Variants in SYTL5 observed in about 807,000 individuals in gnomAD.
The protein encoded by SYTL5 is synaptotagmin-like protein 5.
Under a neutral mutation model 55.9 loss-of-function variants are expected in SYTL5, and 34 were observed. The ratio of observed to expected loss-of-function variants is 0.61; its 90% CI spans 0.46 to 0.81. SYTL5 has a LOEUF of 0.81. Ranked by LOEUF, SYTL5 falls within the 30% of genes least tolerant of loss-of-function variation. The pLI, the probability that SYTL5 is intolerant of heterozygous loss-of-function variation, is 0.00. For synonymous variants in SYTL5, 221 were observed against 188.7 expected (o/e 1.17, Z -1.40); for missense variants, 637 against 546.7 (o/e 1.17, Z -1.65).
intron 1 of SYTL5, among the ~76,000 whole-genome samples, chrX:38,029,747 T>A (rs1195130825): frequency 3.4e-5 from 3 of 89,372 alleles, no homozygotes; most frequent in African/African-American, 2.4e-4. Flanking sequence ...TTTCCAAAGA[T>A]TACTTAAGTC....
chrX:38,110,091 A>G (rs1432776991), intron 12 of SYTL5, among the ~76,000 whole-genome samples: 1 of 112,084 alleles, frequency 8.9e-6, no homozygotes, highest in Non-Finnish European at 1.9e-5. Context: ...TCTCTACCTC[A>G]GATAATTTGT....
Position 38,021,331 on chromosome X carries a change from T to C in SYTL5, c.-356-12203T>C, listed in dbSNP as rs147631393. On this transcript the variant is annotated intron_variant, in intron 1 of 16. Transcript: ENST00000297875. ...TGTCAGGCCCTGTGGTGAGGGGCTA[T>C]ATTCCAATTTTCATTTTAGGCATCA... Among the ~76,000 whole-genome samples the C allele has an allele frequency of 9.5e-3, 1,059 of 111,915 alleles. 7 individuals carry two copies. Among genetic ancestry groups the C allele is most frequent in the Middle Eastern group, 0.041 (9 of 217 alleles).
the SYTL5 span, among the ~76,000 whole-genome samples, chrX:37,960,835 G>A: frequency 2.5e-4 from 26 of 103,512 alleles, no homozygotes; most frequent in Admixed American, 9.7e-4. Context: ...TCACTCTGTC[G>A]CCCAGGCTGG....
the SYTL5 span, among the ~76,000 whole-genome samples, chrX:37,937,322 A>G: frequency 5.4e-5 from 6 of 111,235 alleles, no homozygotes; most frequent in Non-Finnish European, 9.4e-5. Context: ...AGAAGAGGGC[A>G]GACGGGAATG....
intron 6 of SYTL5, among the ~76,000 whole-genome samples, chrX:38,083,706 C>A (rs149985269): frequency 9.1e-6 from 1 of 109,837 alleles, no homozygotes; most frequent in African/African-American, 3.3e-5. Flanking sequence ...CACAAACACC[C>A]AATACCTGAA....
At chrX:37,916,876 G>T in the SYTL5 span, among the ~76,000 whole-genome samples, 3 of 111,185 alleles carry the variant, frequency 2.7e-5, no homozygotes, top group Non-Finnish European at 3.8e-5. Flanking sequence ...CAGATTTTCG[G>T]AATTTTTACC....
the SYTL5 span, among the ~76,000 whole-genome samples, chrX:37,984,373 A>G: frequency 2.7e-5 from 3 of 111,866 alleles, no homozygotes; most frequent in African/African-American, 9.7e-5. Context: ...AATAAATTAG[A>G]TAACTTAGAT....
intron 1 of SYTL5, among the ~76,000 whole-genome samples, chrX:38,023,362 A>G (rs1934629300): frequency 9.1e-6 from 1 of 110,292 alleles, no homozygotes; most frequent in Admixed American, 9.6e-5. Flanking sequence ...AAGACATAAT[A>G]TATGGTTACA....
chrX:37,906,614 C>T, the SYTL5 span: 1 of 112,164 alleles, frequency 8.9e-6, no homozygotes, highest in African/African-American at 3.2e-5. Flanking sequence ...CTTAAGGTAA[C>T]TGCAGTTGTT....
intron 12 of SYTL5, among the ~76,000 whole-genome samples, 157 bp downstream of exon 12, chrX:38,108,856 C>G (rs968875263): frequency 8.9e-6 from 1 of 112,354 alleles, no homozygotes; most frequent in Non-Finnish European, 1.9e-5. Flanking sequence ...CTTGACTTTT[C>G]TAACATCTTT....
At chrX:38,004,841 T>G (rs887049610), upstream of SYTL5, among the ~76,000 whole-genome samples, 1 of 110,645 alleles carries the variant, frequency 9.0e-6, no homozygotes, top group Non-Finnish European at 1.9e-5. Context: ...AAAGAATGAA[T>G]AAGACATAGT....
the SYTL5 span, among the ~76,000 whole-genome samples, chrX:37,966,356 T>C: frequency 9.0e-6 from 1 of 110,902 alleles, no homozygotes; most frequent in Admixed American, 9.6e-5. Flanking sequence ...GCAGATGAAA[T>C]GTATATCACG....
intron 1 of SYTL5, chrX:38,023,947 A>G (rs73463468): frequency 0.4 from 43,282 of 108,012 alleles, 9,048 homozygotes; most frequent in African/African-American, 0.78. Context: ...TAAAAGTAAT[A>G]GCAAAAACTG....
At chrX:37,977,049 T>A in the SYTL5 span, among the ~76,000 whole-genome samples, 1 of 111,561 alleles carries the variant, frequency 9.0e-6, no homozygotes, top group Non-Finnish European at 1.9e-5. Context: ...AGAATTTGAC[T>A]TTACTTTGAA....
the SYTL5 span, among the ~76,000 whole-genome samples, chrX:37,998,941 C>T: frequency 6.2e-5 from 7 of 112,317 alleles, no homozygotes; most frequent in African/African-American, 2.3e-4. Flanking sequence ...TGCAGTGCAG[C>T]ACTCCTCAGA....
At chrX:38,107,645 A>G (rs1937252653) in intron 11 of SYTL5, among the ~76,000 whole-genome samples, 1 of 111,744 alleles carries the variant, frequency 8.9e-6, no homozygotes, top group South Asian at 3.8e-4. Flanking sequence ...CAAATTTGTA[A>G]GCAGGCATTT....
chrX:38,070,811 C>A (rs777141475), intron 3 of SYTL5, among the ~76,000 whole-genome samples: 1 of 111,847 alleles, frequency 8.9e-6, no homozygotes, highest in South Asian at 3.7e-4. Flanking sequence ...ATTTAGTCTA[C>A]CGAATGACTT....
chrX:37,937,022 C>T, the SYTL5 span, among the ~76,000 whole-genome samples: 1 of 99,348 alleles, frequency 1.0e-5, no homozygotes, highest in Admixed American at 1.2e-4. Context: ...TGCACTCCAG[C>T]CTGGGCAACA....
At chrX:38,083,835 A>T (rs949356364) in intron 6 of SYTL5, among the ~76,000 whole-genome samples, 2 of 99,152 alleles carry the variant, frequency 2.0e-5, no homozygotes, top group Non-Finnish European at 4.0e-5. Context: ...CTGTGGTGTT[A>T]ATATATATAT....
Sources: allele counts gnomAD v4.1 joint callset (sites outside exome capture counted in the v4.1 genomes callset), GRCh38; gene constraint gnomAD v4.1.1; transcripts MANE v1.5; gene names NCBI Gene and HGNC (gene_info 2026-07-23, HGNC 2026-07-21).